The following ARHGAP42 variants were observed in gnomAD, a reference collection of about 807,000 sequenced individuals.
ARHGAP42 encodes Rho GTPase activating protein 42, also known as rho GTPase-activating protein 42.
In ARHGAP42, 63 loss-of-function variants were observed where a neutral mutation model predicts 125.0. The ratio of observed to expected loss-of-function variants is 0.50; its 90% CI spans 0.41 to 0.62. The LOEUF (loss-of-function observed/expected upper bound fraction) is 0.62, where lower values mean the gene tolerates loss of function less well. ARHGAP42 is among the 20% of genes least tolerant of loss of function. The pLI is 0.00. For missense variants in ARHGAP42, 766 were observed against 1,024.2 expected (o/e 0.75, Z 3.44); for synonymous variants, 339 against 351.0 (o/e 0.97, Z 0.38).
intron 2 of ARHGAP42, among the ~76,000 whole-genome samples, chr11:100,784,633 C>T (rs181833115): frequency 1.9e-4 from 29 of 151,654 alleles, no homozygotes; most frequent in Admixed American, 1.6e-3. Context: ...GAATTATGAA[C>T]TTAGTTTTGA....
At chr11:100,934,872 T>C (rs187674658) in intron 7 of ARHGAP42, among the ~76,000 whole-genome samples, 1 of 152,344 alleles carries the variant, frequency 6.6e-6, no homozygotes, top group East Asian at 1.9e-4. Flanking sequence ...TTAGATTTTC[T>C]AGCAGAATCA....
chr11:100,936,340 A>C lies in ARHGAP42; in HGVS notation c.832+8A>C. On this transcript the variant is annotated splice_region_variant and intron_variant, in intron 8 of 23. Transcript: ENST00000298815. Reference sequence around the variant, plus strand: ...TGTATGTCCAGGAGAAACGTGAGTCACAAAGACATAATTTCACGTCTCTTA... The same window carrying C: ...TGTATGTCCAGGAGAAACGTGAGTCCCAAAGACATAATTTCACGTCTCTTA... 5 of 1,551,472 alleles carry C rather than the reference A, an allele frequency of 3.2e-6. No homozygotes were observed. Among genetic ancestry groups the C allele is most frequent in the Non-Finnish European group, 4.4e-6 (5 of 1,146,822 alleles).
chr11:100,962,037 G>A (rs908761994), intron 15 of ARHGAP42, among the ~76,000 whole-genome samples: 3 of 152,066 alleles, frequency 2.0e-5, no homozygotes, highest in Non-Finnish European at 2.9e-5. Flanking sequence ...GGATTTTTAT[G>A]TACTTTTTTA....
At chr11:100,854,775 CTTCT>C (rs1865286887) in intron 3 of ARHGAP42, among the ~76,000 whole-genome samples, 1 of 152,098 alleles carries the variant, frequency 6.6e-6, no homozygotes, top group South Asian at 2.1e-4. Context: ...CTTGCCAGAA[CTTCT>C]TTCTAAGAAG....
In ARHGAP42 at chr11:100,886,865, A is replaced by T. The variant is rs1281397966; in HGVS notation, c.385-26587A>T. Among the ~76,000 whole-genome samples the T allele has an allele frequency of 2.0e-5, 3 of 152,178 alleles. No homozygotes were observed. In the East Asian group the frequency reaches 5.8e-4, roughly 29 times the overall value. ...TTAGACTTTATGTTGACCCTCCTTG[A>T]TTTAAAATGAAGGAGGTCTCTTTCT... is the stretch of plus-strand genomic sequence containing the variant. On this transcript the variant is annotated intron_variant, in intron 4 of 23. Transcript: ENST00000298815.
At position 100,961,220 on chromosome 11, in the gene ARHGAP42, T is replaced by C. The variant is rs112215386; in HGVS notation, c.1300+231T>C. Reference sequence around the variant, plus strand: ...CAAGTGTCCTTTGGTAAGCTAGAGATACAATAAGATGCATGGATGCTAGCT... The same window carrying C: ...CAAGTGTCCTTTGGTAAGCTAGAGACACAATAAGATGCATGGATGCTAGCT... On this transcript the variant is annotated intron_variant, in intron 14 of 23. Transcript: ENST00000298815. Among the ~76,000 whole-genome samples, 1,171 of 152,304 alleles carry C rather than the reference T, an allele frequency of 7.7e-3. 19 individuals carry two copies. The highest frequency in any genetic ancestry group is 0.027 in the African/African-American group (1,118 of 41,564).
At chr11:100,871,718 G>A (rs1378872876) in intron 4 of ARHGAP42, among the ~76,000 whole-genome samples, 1 of 152,186 alleles carries the variant, frequency 6.6e-6, no homozygotes, top group Non-Finnish European at 1.5e-5. Flanking sequence ...GGAAGTGTCA[G>A]CATTTGCTGA....
intron 4 of ARHGAP42, among the ~76,000 whole-genome samples, chr11:100,862,779 C>T (rs1469540186): frequency 2.0e-5 from 3 of 152,008 alleles, no homozygotes; most frequent in African/African-American, 4.8e-5. Context: ...GCCGGTAATC[C>T]TAGCACTTTC....
chr11:100,989,077 T>C lies in ARHGAP42; in HGVS notation c.*276T>C. ...GTAACTCTCCACAATGTCGCTTCCG[T>C]AGCAATTGTAGAGTTTCAAATACTG... On this transcript the variant is annotated 3_prime_UTR_variant, in exon 24 of 24. Coordinates refer to ENST00000298815, the MANE Select transcript of ARHGAP42 (RefSeq NM_152432.4). The C allele has an allele frequency of 2.2e-6, 1 of 452,026 alleles. No homozygotes were observed. Among genetic ancestry groups the C allele is most frequent in the Non-Finnish European group, 3.9e-6 (1 of 253,844 alleles). The allele number at this position is 452,026 out of a possible 1,614,324, so 28.0% of individuals were successfully genotyped here.
intron 2 of ARHGAP42, among the ~76,000 whole-genome samples, chr11:100,774,205 C>T (rs190026212): frequency 7.5e-4 from 114 of 152,300 alleles, no homozygotes; most frequent in Non-Finnish European, 5.0e-4. Flanking sequence ...TGAGATTACA[C>T]CAAGCTGTTC....
At chr11:100,978,666 T>C (rs769371552) in intron 21 of ARHGAP42, among the ~76,000 whole-genome samples, 1 of 152,230 alleles carries the variant, frequency 6.6e-6, no homozygotes, top group Non-Finnish European at 1.5e-5. Flanking sequence ...CAGGAGTCAA[T>C]AGCCGTGCTG....
At chr11:100,910,267 A>C (rs962405918) in intron 4 of ARHGAP42, among the ~76,000 whole-genome samples, 1 of 152,196 alleles carries the variant, frequency 6.6e-6, no homozygotes, top group African/African-American at 2.4e-5. Flanking sequence ...AAGTAACGGC[A>C]GCAACTATGA....
intron 10 of ARHGAP42, among the ~76,000 whole-genome samples, chr11:100,946,171 A>G (rs1868011568): frequency 6.6e-6 from 1 of 152,000 alleles, no homozygotes; most frequent in South Asian, 2.1e-4. Flanking sequence ...TTTTTTCTGC[A>G]GCTTACTCAC....
Position 100,992,672 on chromosome 11 carries a change from G to A in ARHGAP42, c.*3871G>A, listed in dbSNP as rs779671371. On this transcript the variant is annotated 3_prime_UTR_variant, in exon 24 of 24. Transcript: ENST00000298815. ...TGTGCCAGTTCCACTTGGTAATAAC[G>A]TTGGGAAAATGCAGGTTTATGAATG... 4.4e-5 allele frequency: 71 copies of A among 1,598,464 alleles called. No individual in the cohort carries two copies. The highest frequency in any genetic ancestry group is 1.7e-4 in the Middle Eastern group (1 of 5,986).
chr11:100,722,679 G>A lies in ARHGAP42; in HGVS notation c.154+34847G>A, dbSNP rs963923248. On this transcript the variant is annotated intron_variant, in intron 1 of 23. Transcript: ENST00000298815. ...GCTGGGATTACAGGCGCAAGCCACC[G>A]CGCAAATTTTATTGTGTGTATTTAA... Among the ~76,000 whole-genome samples, 7 of 152,090 alleles carry A rather than the reference G, an allele frequency of 4.6e-5. No homozygotes were observed. The East Asian group carries it at 7.7e-4, about 17-fold the overall frequency.
chr11:100,694,382 G>GTTTA (rs1333431589), intron 1 of ARHGAP42, among the ~76,000 whole-genome samples: 1 of 152,064 alleles, frequency 6.6e-6, no homozygotes, highest in East Asian at 1.9e-4. Flanking sequence ...ACACTGAAAT[G>GTTTA]TTTATTTTAG....
intron 1 of ARHGAP42, among the ~76,000 whole-genome samples, chr11:100,743,397 A>G (rs917141647): frequency 2.0e-5 from 3 of 152,182 alleles, no homozygotes; most frequent in African/African-American, 4.8e-5. Context: ...TAGGACCCCA[A>G]TCTTCTGGTT....
At chr11:100,882,148 GTGGGCATCCTTGTCT>G (rs1865978061) in intron 4 of ARHGAP42, among the ~76,000 whole-genome samples, 1 of 152,186 alleles carries the variant, frequency 6.6e-6, no homozygotes, top group African/African-American at 2.4e-5. Context: ...AGTGGTGACA[GTGGGCATCCTTGTCT>G]TGCTCCAGTT....
intron 1 of ARHGAP42, among the ~76,000 whole-genome samples, chr11:100,756,580 G>A (rs956784760): frequency 1.3e-5 from 2 of 152,148 alleles, no homozygotes; most frequent in African/African-American, 4.8e-5. Context: ...TTTATTGAAT[G>A]GTGACCCAAT....
Sources: allele counts gnomAD v4.1 joint callset (sites outside exome capture counted in the v4.1 genomes callset), GRCh38; gene constraint gnomAD v4.1.1; transcripts MANE v1.5; gene names NCBI Gene and HGNC (gene_info 2026-07-23, HGNC 2026-07-21).